The following POLK variants were observed in gnomAD, a reference collection of about 807,000 sequenced individuals.
POLK encodes the protein polymerase (DNA directed) kappa.
A neutral mutation model predicts 94.0 loss-of-function variants in POLK; 76 were observed. The observed-to-expected ratio is 0.81, with a 90% CI of 0.67 to 0.98. The LOEUF is 0.98. POLK is among the 50% of genes least tolerant of loss of function. The probability of loss-of-function intolerance (pLI) is 0.00; values close to 1 mark genes in which losing one functional copy is unlikely to be tolerated. For missense variants in POLK, 954 were observed against 1,010.1 expected (o/e 0.94, Z 0.75); for synonymous variants, 349 against 325.4 (o/e 1.07, Z -0.78).
At chr5:75,579,140 G>A (rs1008615617) in intron 6 of POLK, among the ~76,000 whole-genome samples, 1 of 152,220 alleles carries the variant, frequency 6.6e-6, no homozygotes. Context: ...ACTTCCTGCT[G>A]TATAGTTCTG....
intron 3 of POLK, 23 bp from the exon 4 acceptor site, chr5:75,569,317 G>A: frequency 6.4e-7 from 1 of 1,551,714 alleles, no homozygotes; most frequent in Non-Finnish European, 8.8e-7. Context: ...CTAAAAGTAT[G>A]TTAACTTTTT....
chr5:75,578,286 T>G (rs888393346), intron 6 of POLK, among the ~76,000 whole-genome samples: 4 of 152,046 alleles, frequency 2.6e-5, no homozygotes, highest in African/African-American at 9.7e-5. Context: ...CTCCCAAGTA[T>G]CTGGGATTAG....
exon 3 of POLK, chr5:75,552,590 A>G: frequency 6.2e-7 from 1 of 1,601,584 alleles, no homozygotes; most frequent in Non-Finnish European, 8.5e-7. Context: ...GCACAATTAC[A>G]GGTATTAATT....
intron 1 of POLK, among the ~76,000 whole-genome samples, chr5:75,531,166 C>T (rs1325795879): frequency 3.3e-5 from 5 of 151,574 alleles, no homozygotes; most frequent in African/African-American, 7.3e-5. Context: ...TTTTTTTCCT[C>T]GAACAGGTTC....
chr5:75,511,762 C>T (rs1437972108), exon 1 of POLK: 2 of 1,551,258 alleles, frequency 1.3e-6, no homozygotes, highest in Non-Finnish European at 8.7e-7. Flanking sequence ...ACCCTACCTC[C>T]GGCTCTCCCG....
chr5:75,532,477 A>G (rs1769229558), intron 1 of POLK, among the ~76,000 whole-genome samples: 1 of 151,846 alleles, frequency 6.6e-6, no homozygotes, highest in Non-Finnish European at 1.5e-5. Context: ...TTTTAAATCC[A>G]GTCTACCATT....
intron 2 of POLK, among the ~76,000 whole-genome samples, chr5:75,551,713 G>GTT (rs1186728843): frequency 5.9e-5 from 9 of 152,156 alleles, no homozygotes; most frequent in African/African-American, 2.2e-4. Flanking sequence ...ATAAGACACA[G>GTT]TAACAAATGT....
chr5:75,516,583 T>G (rs1009301266), intron 1 of POLK, among the ~76,000 whole-genome samples: 3 of 152,134 alleles, frequency 2.0e-5, no homozygotes, highest in Admixed American at 6.5e-5. Context: ...GAGGATTGCT[T>G]GAGCTCAGGA....
At chr5:75,530,396 C>CTTTTTT (rs201266079) in intron 1 of POLK, among the ~76,000 whole-genome samples, 442 of 61,644 alleles carry the variant, frequency 7.2e-3, no homozygotes, top group Middle Eastern at 9.6e-3. Flanking sequence ...TTCCCTTTTT[C>CTTTTTT]TTTTTTTTTT....
chr5:75,605,618 T>G (rs1773403812), downstream of POLK, among the ~76,000 whole-genome samples: 2 of 152,238 alleles, frequency 1.3e-5, no homozygotes, highest in African/African-American at 4.8e-5. Flanking sequence ...TCCTTCAACA[T>G]TCTACTTTTC....
chr5:75,543,271 T>G, intron 1 of POLK, among the ~76,000 whole-genome samples: 1 of 145,940 alleles, frequency 6.9e-6, no homozygotes, highest in Non-Finnish European at 1.5e-5. Context: ...AACTCCTGAT[T>G]TCAGGTGATC....
At chr5:75,538,106 T>G (rs1024085932) in intron 1 of POLK, among the ~76,000 whole-genome samples, 1 of 152,182 alleles carries the variant, frequency 6.6e-6, no homozygotes, top group Admixed American at 6.5e-5. Flanking sequence ...TCCACCCGCC[T>G]CGGCCTCCCA....
chr5:75,591,576 A>G (rs1017556986), intron 11 of POLK, among the ~76,000 whole-genome samples: 1 of 152,176 alleles, frequency 6.6e-6, no homozygotes, highest in Non-Finnish European at 1.5e-5. Flanking sequence ...TACATTGTCA[A>G]TTATTAACCC....
At chr5:75,530,400 T>C (rs1477752014) in intron 1 of POLK, among the ~76,000 whole-genome samples, 2 of 106,974 alleles carry the variant, frequency 1.9e-5, no homozygotes, top group Admixed American at 9.3e-5. Flanking sequence ...CTTTTTCTTT[T>C]TTTTTTTTTT....
chr5:75,559,497 T>C (rs1467639496), intron 3 of POLK, among the ~76,000 whole-genome samples: 1 of 151,236 alleles, frequency 6.6e-6, no homozygotes, highest in Non-Finnish European at 1.5e-5. Context: ...TTTATTGATT[T>C]GGGGTTTGTT....
At chr5:75,565,939 T>C (rs2112739286) in intron 3 of POLK, among the ~76,000 whole-genome samples, 1 of 152,338 alleles carries the variant, frequency 6.6e-6, no homozygotes, top group Middle Eastern at 3.4e-3. Flanking sequence ...GGCAGGAATG[T>C]TTAAGTCTGC....
chr5:75,567,375 G>T (rs189339003), intron 3 of POLK, among the ~76,000 whole-genome samples: 3 of 152,200 alleles, frequency 2.0e-5, no homozygotes, highest in Admixed American at 2.0e-4. Flanking sequence ...TGTGGTCATG[G>T]TGCTATTCTC....
intron 3 of POLK, among the ~76,000 whole-genome samples, chr5:75,567,203 A>G: frequency 6.6e-6 from 1 of 152,094 alleles, no homozygotes. Context: ...CTTGCTTTCT[A>G]TTTATTATCT....
intron 1 of POLK, among the ~76,000 whole-genome samples, chr5:75,513,260 A>G (rs538985200): frequency 1.3e-5 from 2 of 152,252 alleles, no homozygotes; most frequent in African/African-American, 4.8e-5. Flanking sequence ...TTTTACTAAT[A>G]TCAATTATTA....
Sources: gnomAD v4.1 joint callset for allele counts (sites outside exome capture counted in the v4.1 genomes callset) on GRCh38, gnomAD v4.1.1 for gene constraint, MANE v1.5 for transcripts, NCBI Gene and HGNC (gene_info 2026-07-23, HGNC 2026-07-21) for gene names.